Variants in SPATA2L observed in about 807,000 individuals in gnomAD.
SPATA2L encodes spermatogenesis associated 2 like.
In SPATA2L, 5 loss-of-function variants were observed where a neutral mutation model predicts 8.7. The observed-to-expected ratio is 0.57, with a 90% CI of 0.30 to 1.21. The LOEUF (loss-of-function observed/expected upper bound fraction) is 1.21. Among genes scored for constraint, SPATA2L ranks in the 50% most tolerant of loss-of-function variants. The pLI is 0.07. For synonymous variants in SPATA2L, 358 were observed against 275.8 expected (o/e 1.30, Z -2.95); for missense variants, 671 against 591.0 (o/e 1.14, Z -1.40).
chr16:89,697,187 G>C lies in SPATA2L; in HGVS notation c.*147C>G. ...CCATATACAGAGAGTCCCACCTCCA[G>C]CAAGGGTTGGCCTGGACTCTCCAAC... On this transcript the variant is annotated 3_prime_UTR_variant, in exon 3 of 3. Coordinates refer to ENST00000289805, the MANE Select transcript of SPATA2L (RefSeq NM_152339.4). 7.3e-7 allele frequency: 1 copy of C among 1,376,044 alleles called. No individual in the cohort carries two copies. Among genetic ancestry groups the C allele is most frequent in the Non-Finnish European group, 9.4e-7 (1 of 1,067,344 alleles). 85.2% of individuals were successfully genotyped at this position (1,376,044 alleles called of 1,614,324 possible).
intron 2 of SPATA2L, among the ~76,000 whole-genome samples, chr16:89,699,829 C>T (rs991872623): frequency 5.3e-5 from 8 of 152,202 alleles, no homozygotes; most frequent in Non-Finnish European, 1.2e-4. Context: ...GGATTACAGG[C>T]GTGAGCCACC....
Position 89,701,238 on chromosome 16 carries a change from G to T in SPATA2L, c.-1-5C>A. Reference sequence around the variant, plus strand: ...GACAGCGAGCTGCTGCCCATCCTGCGGCGGACGGGGGTCGGGGGGGTCAGG... The same window carrying T: ...GACAGCGAGCTGCTGCCCATCCTGCTGCGGACGGGGGTCGGGGGGGTCAGG... On this transcript the variant is annotated splice_region_variant and splice_polypyrimidine_tract_variant and intron_variant, in intron 1 of 2. Coordinates refer to ENST00000289805, the MANE Select transcript of SPATA2L (RefSeq NM_152339.4). 1 of 1,405,738 alleles carries T rather than the reference G, an allele frequency of 7.1e-7. No individual in the cohort carries two copies. The highest frequency in any genetic ancestry group is 1.5e-5 in the South Asian group (1 of 66,950). The allele number at this position is 1,405,738 out of a possible 1,614,324, so 87.1% of individuals were successfully genotyped here.
chr16:89,697,564 C>G lies in SPATA2L; in HGVS notation c.1045G>C (p.Val349Leu), dbSNP rs779543724. Reference sequence around the variant, plus strand: ...GCCTGGTAGCCTGGGGGCTCCGAGACAGACCTATAGGCTGAGGCTGGTACC... The same window carrying G: ...GCCTGGTAGCCTGGGGGCTCCGAGAGAGACCTATAGGCTGAGGCTGGTACC... ...EGVPASAYRSVSEPPGYQAHS... is the reference protein window; with the variant it reads ...EGVPASAYRSLSEPPGYQAHS... The change falls in exon 3 of 3, where the codon GTC becomes CTC. Residue 349 changes from valine to leucine, a missense_variant. By Grantham distance (32) the Val-to-Leu change is conservative. Coordinates refer to ENST00000289805, the MANE Select transcript of SPATA2L (RefSeq NM_152339.4). The G allele has an allele frequency of 6.3e-7, 1 of 1,592,086 alleles. No homozygotes were observed. The highest frequency in any genetic ancestry group is 8.5e-7 in the Non-Finnish European group (1 of 1,170,168).
intron 2 of SPATA2L, among the ~76,000 whole-genome samples, chr16:89,700,230 C>T (rs117963037): frequency 6.6e-6 from 1 of 152,194 alleles, no homozygotes; most frequent in Admixed American, 6.5e-5. Context: ...TGTCCGTCCT[C>T]TCTCATGAAT....
In SPATA2L at chr16:89,697,032, G is replaced by A; in HGVS notation, c.*302C>T. The A allele has an allele frequency of 2.8e-6, 4 of 1,416,244 alleles. No homozygotes were observed. The highest frequency in any genetic ancestry group is 3.7e-6 in the Non-Finnish European group (4 of 1,085,928). 87.7% of individuals were successfully genotyped at this position (1,416,244 alleles called of 1,614,324 possible). Reference sequence around the variant, plus strand: ...GGCACAGGGTCCTTCTCAGGGACAGGTTCAGGCACTGGCTGGAACAGGCTG... The same window carrying A: ...GGCACAGGGTCCTTCTCAGGGACAGATTCAGGCACTGGCTGGAACAGGCTG... On this transcript the variant is annotated 3_prime_UTR_variant, in exon 3 of 3. Transcript: ENST00000289805.
At chr16:89,700,489 G>A (rs2060768869) in intron 2 of SPATA2L, among the ~76,000 whole-genome samples, 1 of 152,220 alleles carries the variant, frequency 6.6e-6, no homozygotes, top group Non-Finnish European at 1.5e-5. Flanking sequence ...CTAGGTCTGA[G>A]CCCAGCCCTG....
chr16:89,696,773 C>T lies in SPATA2L; in HGVS notation c.*561G>A. The T allele has an allele frequency of 6.5e-7, 1 of 1,532,786 alleles. No individual in the cohort carries two copies. Among genetic ancestry groups the T allele is most frequent in the Non-Finnish European group, 8.7e-7 (1 of 1,144,720 alleles). 94.9% of individuals were successfully genotyped at this position (1,532,786 alleles called of 1,614,324 possible). A position where few individuals can be genotyped will look rare whatever the true frequency, so the allele number is the denominator to read the frequency against. On this transcript the variant is annotated 3_prime_UTR_variant, in exon 3 of 3. Coordinates refer to ENST00000289805, the MANE Select transcript of SPATA2L (RefSeq NM_152339.4). ...TCAGGTCATTTCCTGTCTGTGGGCC[C>T]AGCTGCTGTGACACCCAAGGGGAGG...
chr16:89,697,351 G>T lies in SPATA2L; in HGVS notation c.1258C>A (p.Pro420Thr). 1 of 1,523,612 alleles carries T rather than the reference G, an allele frequency of 6.6e-7. No homozygotes were observed. 94.4% of individuals were successfully genotyped at this position (1,523,612 alleles called of 1,614,324 possible). ...CAGCTGGCCTAGGGCCGGGCCCCGG[G>T]GCTGTTGTAGAGCAGAGTGTCCATC... ...AQMDTLLYNS[P>T]GARP The change falls in exon 3 of 3, where the codon CCC becomes ACC. Residue 420 changes from proline to threonine, a missense_variant. Pro to Thr is a conservative substitution (Grantham distance 38). Transcript: ENST00000289805.
Position 89,697,537 on chromosome 16 carries a change from G to A in SPATA2L, c.1072C>T (p.His358Tyr). 6.3e-7 allele frequency: 1 copy of A among 1,591,640 alleles called. No homozygotes were observed. The highest frequency in any genetic ancestry group is 8.5e-7 in the Non-Finnish European group (1 of 1,169,828). ...AGGGCGCCAGGGGACAGGCAGCTGT[G>A]TGCCTGGTAGCCTGGGGGCTCCGAG... The part of the protein sequence containing the change: ...SVSEPPGYQA[H>Y]SCLSPGALPT... Residue 358 changes from histidine (H) to tyrosine (Y), a missense_variant, in exon 3 of 3, where the codon CAC becomes TAC. Transcript: ENST00000289805.
Position 89,696,997 on chromosome 16 carries a change from CG to C in SPATA2L, c.*336del. On this transcript the variant is annotated 3_prime_UTR_variant, in exon 3 of 3. Transcript: ENST00000289805. ...ACTGCAGGGAGCAGGCCAGGAGCCA[CG>C]GGCCTTGGGGCACAGGGTCCTTCTC... 1 of 1,428,788 alleles carries C rather than the reference CG, an allele frequency of 7.0e-7. No homozygotes were observed. The highest frequency in any genetic ancestry group is 9.2e-7 in the Non-Finnish European group (1 of 1,089,132). 88.5% of individuals were successfully genotyped at this position (1,428,788 alleles called of 1,614,324 possible). A position where few individuals can be genotyped will look rare whatever the true frequency, so the allele number is the denominator to read the frequency against.
rs772432180 is a variant in SPATA2L at position 89,697,307 on chromosome 16, G to A, written c.*27C>T. On this transcript the variant is annotated 3_prime_UTR_variant, in exon 3 of 3. Coordinates refer to ENST00000289805, the MANE Select transcript of SPATA2L (RefSeq NM_152339.4). Reference sequence around the variant, plus strand: ...AAGCACCACGGGAGCTGTCTCCCAAGAGCCCTTGACCTGGGGCCCAGCTGG... The same window carrying A: ...AAGCACCACGGGAGCTGTCTCCCAAAAGCCCTTGACCTGGGGCCCAGCTGG... 1 of 1,485,790 alleles carries A rather than the reference G, an allele frequency of 6.7e-7. No individual in the cohort carries two copies. Among genetic ancestry groups the A allele is most frequent in the South Asian group, 1.5e-5 (1 of 68,150 alleles). The allele number at this position is 1,485,790 out of a possible 1,614,324, so 92.0% of individuals were successfully genotyped here.
Position 89,698,188 on chromosome 16 carries a change from C to G in SPATA2L, c.421G>C (p.Ala141Pro), listed in dbSNP as rs35826409. 1 of 1,612,778 alleles carries G rather than the reference C, an allele frequency of 6.2e-7. No homozygotes were observed. Among genetic ancestry groups the G allele is most frequent in the Non-Finnish European group, 8.5e-7 (1 of 1,179,898 alleles). Residue 141 changes from alanine to proline, a missense_variant, in exon 3 of 3, where the codon GCC (alanine) becomes CCC (proline). Transcript: ENST00000289805. ...RRDSHRLMVT[A>P]LPPACQLVQV... ...ACCAGCTGGCAGGCGGGGGGCAGGG[C>G]GGTCACCATGAGCCGATGGCTGTCT...
chr16:89,700,701 C>T (rs1237710572), intron 2 of SPATA2L, among the ~76,000 whole-genome samples: 2 of 152,214 alleles, frequency 1.3e-5, no homozygotes, highest in African/African-American at 4.8e-5. Flanking sequence ...CAGGGCAGGA[C>T]CCCGTAGGCA....
At position 89,696,978 on chromosome 16, in the gene SPATA2L, G is replaced by C. The variant is rs1162867183; in HGVS notation, c.*356C>G. On this transcript the variant is annotated 3_prime_UTR_variant, in exon 3 of 3. Coordinates refer to ENST00000289805, the MANE Select transcript of SPATA2L (RefSeq NM_152339.4). ...CCTGAGCCCCGTACTCCGTACTGCA[G>C]GGAGCAGGCCAGGAGCCACGGGCCT... 2 of 1,466,982 alleles carry C rather than the reference G, an allele frequency of 1.4e-6. No individual in the cohort carries two copies. The highest frequency in any genetic ancestry group is 1.8e-6 in the Non-Finnish European group (2 of 1,106,980). The allele number at this position is 1,466,982 out of a possible 1,614,324, so 90.9% of individuals were successfully genotyped here.
In SPATA2L at chr16:89,698,479, T is replaced by C. The variant is rs1371311759; in HGVS notation, c.304-174A>G. Among the ~76,000 whole-genome samples, 16 of 118,418 alleles carry C rather than the reference T, an allele frequency of 1.4e-4. No homozygotes were observed. In the South Asian group the frequency reaches 3.9e-3, roughly 29 times the overall value. 77.7% of individuals were successfully genotyped at this position (118,418 alleles called of 152,430 possible). On this transcript the variant is annotated intron_variant, in intron 2 of 2. Transcript: ENST00000289805. ...AGGCCCAAACATGATGATTTCTTTT[T>C]TTTTTTTTTTTTTTTTTTTTTTTTG...
intron 2 of SPATA2L, among the ~76,000 whole-genome samples, chr16:89,699,960 C>T (rs2060765140): frequency 2.6e-5 from 4 of 152,368 alleles, no homozygotes; most frequent in African/African-American, 7.2e-5. Context: ...CTCCTAGCAT[C>T]TAATGCCTGG....
In SPATA2L at chr16:89,697,054, G is replaced by C. The variant is rs1438259694; in HGVS notation, c.*280C>G. On this transcript the variant is annotated 3_prime_UTR_variant, in exon 3 of 3. Transcript: ENST00000289805. ...CAGGTTCAGGCACTGGCTGGAACAGGCTGGACCCCTCTACCCAGCACATGT... is the reference window on the plus strand; with the variant it reads ...CAGGTTCAGGCACTGGCTGGAACAGCCTGGACCCCTCTACCCAGCACATGT... 1 of 1,407,800 alleles carries C rather than the reference G, an allele frequency of 7.1e-7. No individual in the cohort carries two copies. The highest frequency in any genetic ancestry group is 9.2e-7 in the Non-Finnish European group (1 of 1,082,922). 87.2% of individuals were successfully genotyped at this position (1,407,800 alleles called of 1,614,324 possible). A position where few individuals can be genotyped will look rare whatever the true frequency, so the allele number is the denominator to read the frequency against.
chr16:89,696,945 C>A lies in SPATA2L; in HGVS notation c.*389G>T, dbSNP rs952337608. ...AGAATCCCTGGGACACGTGGAGGAC[C>A]CCCAAGTCCTGAGCCCCGTACTCCG... On this transcript the variant is annotated 3_prime_UTR_variant, in exon 3 of 3. Coordinates refer to ENST00000289805, the MANE Select transcript of SPATA2L (RefSeq NM_152339.4). The A allele has an allele frequency of 3.3e-6, 5 of 1,509,150 alleles. No homozygotes were observed. In the African/African-American group the frequency reaches 6.9e-5, roughly 21 times the overall value. The allele number at this position is 1,509,150 out of a possible 1,614,324, so 93.5% of individuals were successfully genotyped here.
chr16:89,699,375 T>G (rs921319348), intron 2 of SPATA2L, among the ~76,000 whole-genome samples: 1 of 152,160 alleles, frequency 6.6e-6, no homozygotes, highest in Non-Finnish European at 1.5e-5. Context: ...CTTAAACGTG[T>G]TGTTCTGAAC....
Sources: gnomAD v4.1 joint callset for allele counts (sites outside exome capture counted in the v4.1 genomes callset) on GRCh38, gnomAD v4.1.1 for gene constraint, MANE v1.5 for transcripts, NCBI Gene and HGNC (gene_info 2026-07-23, HGNC 2026-07-21) for gene names.